The following MEGF6 variants were observed in gnomAD, a reference collection of about 807,000 sequenced individuals.
The protein encoded by MEGF6 is multiple EGF like domains 6.
A neutral mutation model predicts 207.1 loss-of-function variants in MEGF6; 184 were observed. The observed-to-expected ratio is 0.89, with a 90% CI of 0.79 to 1.00. The LOEUF is 1.00. Among genes scored for constraint, MEGF6 ranks in the 50% least tolerant of loss-of-function variants. The pLI, the probability that MEGF6 is intolerant of heterozygous loss-of-function variation, is 0.00. For missense variants in MEGF6, 2,282 were observed against 2,202.9 expected (o/e 1.04, Z -0.72); for synonymous variants, 1,038 against 910.0 (o/e 1.14, Z -2.53).
intron 4 of MEGF6, among the ~76,000 whole-genome samples, chr1:3,527,848 C>T (rs903429189): frequency 5.3e-5 from 8 of 152,202 alleles, no homozygotes; most frequent in Admixed American, 2.0e-4. Context: ...TGGACAGGAA[C>T]GCTGGGACTC....
At chr1:3,513,085 A>T (rs1248299813) in intron 7 of MEGF6, among the ~76,000 whole-genome samples, 3 of 152,230 alleles carry the variant, frequency 2.0e-5, no homozygotes, top group Non-Finnish European at 2.9e-5. Flanking sequence ...AAGCAAGCAC[A>T]TTCACAAACA....
At chr1:3,617,877 C>T in the MEGF6 span, among the ~76,000 whole-genome samples, 1 of 152,164 alleles carries the variant, frequency 6.6e-6, no homozygotes, top group East Asian at 1.9e-4. Flanking sequence ...CTGGAGCTGC[C>T]AGAAGCTGGG....
chr1:3,607,265 T>C (rs2794354), intron 1 of MEGF6, among the ~76,000 whole-genome samples: 128,314 of 151,350 alleles, frequency 0.85, 54,831 homozygotes, highest in Non-Finnish European at 0.91. Flanking sequence ...TTCCCGCACA[T>C]CACACCCGTC....
At chr1:3,601,645 C>T (rs1644160832) in intron 2 of MEGF6, among the ~76,000 whole-genome samples, 2 of 152,238 alleles carry the variant, frequency 1.3e-5, no homozygotes, top group Non-Finnish European at 2.9e-5. Context: ...TCTCCACTGT[C>T]CCGGGGTAGG....
intron 11 of MEGF6, among the ~76,000 whole-genome samples, 168 bp downstream of exon 11, chr1:3,509,702 G>T (rs988562277): frequency 3.9e-5 from 6 of 152,334 alleles, no homozygotes; most frequent in East Asian, 1.9e-4. Context: ...ACCTCAGTGG[G>T]TCCCCAAGGG....
chr1:3,608,125 ACC>A (rs1644278382), intron 1 of MEGF6, among the ~76,000 whole-genome samples: 3 of 151,606 alleles, frequency 2.0e-5, no homozygotes, highest in African/African-American at 7.3e-5. Context: ...GCTCGTTTTT[ACC>A]CCCATGGTTC....
intron 3 of MEGF6, 79 bp from the exon 4 acceptor site, chr1:3,580,008 G>A: frequency 9.4e-7 from 1 of 1,063,662 alleles, no homozygotes; most frequent in Middle Eastern, 2.7e-4. Context: ...GGGTCTCTCG[G>A]GCAGGCAGCC....
chr1:3,500,791 C>T (rs756033197), intron 20 of MEGF6, 27 bp from the exon 21 acceptor site: 40 of 1,601,312 alleles, frequency 2.5e-5, no homozygotes, highest in East Asian at 4.5e-5. Context: ...GGTCACCCGG[C>T]GCAGGCCCAA....
intron 2 of MEGF6, among the ~76,000 whole-genome samples, chr1:3,600,715 C>T (rs4648528): frequency 0.7 from 105,858 of 152,062 alleles, 37,804 homozygotes; most frequent in East Asian, 0.85. Flanking sequence ...GCACCCTGTG[C>T]CCACGAACAG....
Position 3,509,857 on chromosome 1 carries a change from G to C in MEGF6, c.1357+13C>G, listed in dbSNP as rs573186559. ...GGCAGAGGCCGGTGCTCCGCGGAGG[G>C]CGGGAGACTCACGGCTGCAGCCCCT... On this transcript the variant is annotated intron_variant, in intron 11 of 36. Transcript: ENST00000356575. 1 of 1,550,422 alleles carries C rather than the reference G, an allele frequency of 6.4e-7. No homozygotes were observed. Among genetic ancestry groups the C allele is most frequent in the South Asian group, 1.2e-5 (1 of 84,640 alleles).
Position 3,588,717 on chromosome 1 carries a change from C to A in MEGF6, c.376+6621G>T, listed in dbSNP as rs1013348841. On this transcript the variant is annotated intron_variant, in intron 3 of 36. Coordinates refer to ENST00000356575, the MANE Select transcript of MEGF6 (RefSeq NM_001409.4). The stretch of plus-strand genomic sequence containing the variant: ...CCTGCAGCCCCAGCCTTCACAGAGG[C>A]AGGGCCGGGCCCAAGCTCTCTAGAC... Among the ~76,000 whole-genome samples, 12 of 152,040 alleles carry A rather than the reference C, an allele frequency of 7.9e-5. 1 individual carries two copies. The South Asian group carries it at 1.7e-3, about 21-fold the overall frequency.
rs534616232 is a variant in MEGF6 at position 3,512,073 on chromosome 1, G to A, written c.909C>T (p.Thr303=). The stretch of plus-strand genomic sequence containing the variant: ...GACACACGCACTTGAAGGACCCCTG[G>A]GTGTTGAGGCAGCCATGGGCACACT... ...LAQCAHGCLN[T]QGSFKCVCHA... Residue 303 remains threonine (T), a synonymous_variant, in exon 8 of 37, where the codon ACC becomes ACT. Transcript: ENST00000356575. 34 of 1,612,554 alleles carry A rather than the reference G, an allele frequency of 2.1e-5. No individual in the cohort carries two copies. In the Middle Eastern group the frequency reaches 5.0e-4, roughly 24 times the overall value.
chr1:3,508,647 C>T lies in MEGF6; in HGVS notation c.1571G>A (p.Cys524Tyr), dbSNP rs915126545. 2 of 1,613,510 alleles carry T rather than the reference C, an allele frequency of 1.2e-6. No individual in the cohort carries two copies. Among genetic ancestry groups the T allele is most frequent in the Non-Finnish European group, 8.5e-7 (1 of 1,179,966 alleles). The change falls in exon 13 of 37, where the codon TGT (cysteine) becomes TAT (tyrosine). Residue 524 changes from cysteine to tyrosine, a missense_variant. By Grantham distance (194) the Cys-to-Tyr change is radical (BLOSUM62 -2). Coordinates refer to ENST00000356575, the MANE Select transcript of MEGF6 (RefSeq NM_001409.4). ...GGTCCCTCCGTTCCTGCAGTCATCA[C>T]AGGTCAAGCTGCAGTCATGGCCAAA... is the stretch of plus-strand genomic sequence containing the variant. ...DSFGHDCSLTCDDCRNGGTCL... is the reference protein window; with the variant it reads ...DSFGHDCSLTYDDCRNGGTCL...
At position 3,497,311 on chromosome 1, in the gene MEGF6, G is replaced by A. The variant is rs530160303; in HGVS notation, c.3403C>T (p.Pro1135Ser). 4 of 1,551,952 alleles carry A rather than the reference G, an allele frequency of 2.6e-6. 1 individual carries two copies. Among genetic ancestry groups the A allele is most frequent in the Admixed American group, 4.2e-5 (2 of 47,350 alleles). The part of the protein sequence containing the change: ...GEACAQRCSC[P>S]PGAACHHVTG... ...ACGTGGTGGCAGGCAGCGCCAGGCG[G>A]GCAGCTGCAGCGCTGGGCACAGGCC... Residue 1135 changes from proline to serine, a missense_variant, in exon 27 of 37, where the codon CCG becomes TCG. Transcript: ENST00000356575.
intron 35 of MEGF6, among the ~76,000 whole-genome samples, chr1:3,491,900 A>G (rs1200587677): frequency 6.6e-6 from 1 of 151,534 alleles, no homozygotes; most frequent in Non-Finnish European, 1.5e-5. Flanking sequence ...GGTGCTAAGG[A>G]GCCACCCTCA....
rs1358221576 is a variant in MEGF6 at position 3,515,469 on chromosome 1, T to C, written c.663A>G (p.Thr221=). 7 of 1,612,654 alleles carry C rather than the reference T, an allele frequency of 4.3e-6. No homozygotes were observed. Among genetic ancestry groups the C allele is most frequent in the African/African-American group, 1.3e-5 (1 of 74,932 alleles). ...GGCACTGGCAGCGATGCCGAGTGAT[T>C]GTGAGCTGGACACAGTGGTGCTGGC... The part of the protein sequence containing the change: ...GGCQHHCVQL[T]ITRHRCQCRP... The change falls in exon 6 of 37, where the codon ACA becomes ACG. Residue 221 remains threonine (T), a synonymous_variant. Coordinates refer to ENST00000356575, the MANE Select transcript of MEGF6 (RefSeq NM_001409.4).
intron 1 of MEGF6, among the ~76,000 whole-genome samples, chr1:3,608,965 A>G (rs1281108602): frequency 2.0e-5 from 3 of 152,224 alleles, no homozygotes; most frequent in African/African-American, 7.2e-5. Context: ...TGCCTCCGAC[A>G]GCGTCTCCTA....
In MEGF6 at chr1:3,490,968, G is replaced by T; in HGVS notation, c.4517-9C>A. ...GAGCCGGAGGGGCCCACCTGGAGGG[G>T]AGAGAGAGCAGGCCATGTTAGTACC... On this transcript the variant is annotated splice_polypyrimidine_tract_variant and intron_variant, in intron 35 of 36. Coordinates refer to ENST00000356575, the MANE Select transcript of MEGF6 (RefSeq NM_001409.4). The T allele has an allele frequency of 6.3e-7, 1 of 1,594,880 alleles. No homozygotes were observed.
chr1:3,497,396 A>C (rs554289850), intron 26 of MEGF6, 35 bp from the exon 27 acceptor site: 1 of 1,494,608 alleles, frequency 6.7e-7, no homozygotes, highest in Admixed American at 2.7e-5. Flanking sequence ...GGCTTCTAGG[A>C]GGGGCCCGTG....
Sources: gnomAD v4.1 joint callset for allele counts (sites outside exome capture counted in the v4.1 genomes callset) on GRCh38, gnomAD v4.1.1 for gene constraint, MANE v1.5 for transcripts, NCBI Gene and HGNC (gene_info 2026-07-23, HGNC 2026-07-21) for gene names.